Variants in NSUN7 observed in about 807,000 individuals in gnomAD.
NSUN7 encodes the protein protein NSUN7.
A neutral mutation model predicts 58.5 loss-of-function variants in NSUN7; 39 were observed. That is an observed-to-expected ratio of 0.67 (90% CI 0.52 to 0.87). The LOEUF is 0.87. Ranked by LOEUF, NSUN7 falls within the 40% of genes least tolerant of loss-of-function variation. The pLI is 0.00. For synonymous variants in NSUN7, 278 were observed against 303.7 expected, an observed-to-expected ratio of 0.92 and a Z score of 0.88; for missense variants, 765 against 844.1, an observed-to-expected ratio of 0.91 and a Z score of 1.16.
At position 40,809,842 on chromosome 4, in the gene NSUN7, T is replaced by C. The variant is rs1744095587; in HGVS notation, c.*903T>C. 1.3e-5 allele frequency: 2 copies of C among 152,232 alleles called. No homozygotes were observed. Among genetic ancestry groups the C allele is most frequent in the Admixed American group, 1.3e-4 (2 of 15,282 alleles). The allele number at this position is 152,232 out of a possible 1,614,324, so 9.4% of individuals were successfully genotyped here. ...GGCACAATTAAATATATTGTAGCAC[T>C]ATGTTAATTAATTATATTAAATGTC... On this transcript the variant is annotated 3_prime_UTR_variant, in exon 12 of 12. Transcript: ENST00000381782.
intron 2 of NSUN7, among the ~76,000 whole-genome samples, chr4:40,758,884 CAAAAA>C (rs998700085): frequency 6.8e-6 from 1 of 147,474 alleles, no homozygotes; most frequent in African/African-American, 2.5e-5. Flanking sequence ...GACTCTGTCT[CAAAAA>C]AAAAGAAAAT....
At chr4:40,781,810 C>CA (rs765941178) in intron 7 of NSUN7, among the ~76,000 whole-genome samples, 75 of 151,842 alleles carry the variant, frequency 4.9e-4, no homozygotes, top group Non-Finnish European at 7.8e-4. Flanking sequence ...TAAAAGGATA[C>CA]AAAAAAACTT....
intron 7 of NSUN7, among the ~76,000 whole-genome samples, chr4:40,784,527 T>C (rs1285481618): frequency 1.3e-5 from 2 of 152,326 alleles, no homozygotes; most frequent in South Asian, 2.1e-4. Flanking sequence ...AAAGTCCTCA[T>C]TTATGATTAC....
At chr4:40,756,982 G>A (rs1053209850) in intron 2 of NSUN7, among the ~76,000 whole-genome samples, 2 of 152,198 alleles carry the variant, frequency 1.3e-5, no homozygotes, top group Admixed American at 1.3e-4. Flanking sequence ...TGTAATCCCA[G>A]CACTTTGGGA....
chr4:40,773,590 G>T (rs1292131569), intron 4 of NSUN7, among the ~76,000 whole-genome samples: 4 of 151,788 alleles, frequency 2.6e-5, no homozygotes, highest in African/African-American at 4.8e-5. Flanking sequence ...GGCTGAGGTA[G>T]GAGAATTGCT....
intron 2 of NSUN7, among the ~76,000 whole-genome samples, chr4:40,760,156 C>T (rs1229530409): frequency 6.6e-6 from 1 of 152,170 alleles, no homozygotes; most frequent in African/African-American, 2.4e-5. Context: ...AAAGGCCATA[C>T]ATTAAAGATT....
intron 7 of NSUN7, chr4:40,776,567 A>G: frequency 4.7e-6 from 1 of 210,968 alleles, no homozygotes; most frequent in South Asian, 7.8e-5. Context: ...CATTTAATAA[A>G]TACTTAAATA....
At position 40,750,825 on chromosome 4, in the gene NSUN7, C is replaced by T. The variant is rs762627562; in HGVS notation, c.132C>T (p.Asp44=). Residue 44 remains aspartate (D), a synonymous_variant, in exon 2 of 12, where the codon GAC becomes GAT. Transcript: ENST00000381782. ...AGVPEKTGYP[D]SVYVMAANIF... is the part of the protein sequence containing the mutation. ...TGCCCGAAAAAACGGGCTATCCGGA[C>T]TCCGTTTATGTCATGGCAGCCAACA... The T allele has an allele frequency of 1.2e-6, 2 of 1,614,198 alleles. No homozygotes were observed. Among genetic ancestry groups the T allele is most frequent in the South Asian group, 1.1e-5 (1 of 91,084 alleles).
At chr4:40,793,653 T>C (rs1743197316) in intron 8 of NSUN7, among the ~76,000 whole-genome samples, 1 of 152,202 alleles carries the variant, frequency 6.6e-6, no homozygotes. Context: ...ATTTGGGTCC[T>C]CTGGTTAGAT....
At chr4:40,797,284 T>G (rs1280790057) in intron 9 of NSUN7, among the ~76,000 whole-genome samples, 1 of 152,228 alleles carries the variant, frequency 6.6e-6, no homozygotes, top group Non-Finnish European at 1.5e-5. Flanking sequence ...GTATCTAGTC[T>G]TATGGTTTTA....
At position 40,807,134 on chromosome 4, in the gene NSUN7, G is replaced by A. The variant is rs1439115830; in HGVS notation, c.1474G>A (p.Glu492Lys). 2 of 1,550,190 alleles carry A rather than the reference G, an allele frequency of 1.3e-6. No individual in the cohort carries two copies. The highest frequency in any genetic ancestry group is 2.7e-5 in the African/African-American group (2 of 72,960). The change falls in exon 11 of 12, where the codon GAA becomes AAA. Residue 492 changes from glutamate (E) to lysine (K), a missense_variant. By Grantham distance (56) the Glu-to-Lys change is moderately conservative. Coordinates refer to ENST00000381782, the MANE Select transcript of NSUN7 (RefSeq NM_024677.6). ...QLSTDKFFRM[E>K]PSEITNGCFL... ...GTCTACTGATAAATTTTTCAGAATGGAACCATCTGAAATTACCAATGGTTG... is the reference window on the plus strand; with the variant it reads ...GTCTACTGATAAATTTTTCAGAATGAAACCATCTGAAATTACCAATGGTTG...
chr4:40,790,780 T>G lies in NSUN7; in HGVS notation c.1180+35T>G, dbSNP rs375585772. The G allele has an allele frequency of 1.1e-3, 1,568 of 1,433,450 alleles. 33 individuals are homozygous for G. The South Asian group carries it at 0.019, about 18-fold the overall frequency. 88.8% of individuals were successfully genotyped at this position (1,433,450 alleles called of 1,614,324 possible). Reference sequence around the variant, plus strand: ...TTAATTTCTAAATTATTGAAATTAGTTGACAGTTTAAAATATAAAATTATT... The same window carrying G: ...TTAATTTCTAAATTATTGAAATTAGGTGACAGTTTAAAATATAAAATTATT... On this transcript the variant is annotated intron_variant, in intron 8 of 11. Transcript: ENST00000381782.
At chr4:40,770,866 C>A in intron 4 of NSUN7, among the ~76,000 whole-genome samples, 1 of 152,138 alleles carries the variant, frequency 6.6e-6, no homozygotes, top group Non-Finnish European at 1.5e-5. Flanking sequence ...TCTTGGCCAA[C>A]ATAGTGAAAC....
intron 2 of NSUN7, among the ~76,000 whole-genome samples, chr4:40,755,367 C>T (rs570210165): frequency 6.6e-5 from 10 of 152,144 alleles, no homozygotes; most frequent in East Asian, 5.8e-4. Context: ...GGATTACAGG[C>T]GTGAGCCACC....
At chr4:40,777,864 A>T (rs1348483572) in intron 7 of NSUN7, among the ~76,000 whole-genome samples, 2 of 152,206 alleles carry the variant, frequency 1.3e-5, no homozygotes, top group African/African-American at 4.8e-5. Flanking sequence ...CCTCTCAAGT[A>T]GCTGAAATTA....
At chr4:40,791,141 A>G (rs1042197593) in intron 8 of NSUN7, among the ~76,000 whole-genome samples, 2 of 152,214 alleles carry the variant, frequency 1.3e-5, no homozygotes, top group Admixed American at 1.3e-4. Context: ...ATTCAAATTT[A>G]GATCTGTTTG....
intron 2 of NSUN7, among the ~76,000 whole-genome samples, chr4:40,751,817 A>G (rs558018585): frequency 6.6e-6 from 1 of 152,060 alleles, no homozygotes; most frequent in Non-Finnish European, 1.5e-5. Flanking sequence ...ATATAGTGAG[A>G]TCTCCTCTCT....
At chr4:40,777,924 A>G (rs1742347961) in intron 7 of NSUN7, among the ~76,000 whole-genome samples, 1 of 152,224 alleles carries the variant, frequency 6.6e-6, no homozygotes, top group Admixed American at 6.5e-5. Context: ...TAAAATAACT[A>G]TGATTAATAA....
intron 2 of NSUN7, among the ~76,000 whole-genome samples, chr4:40,758,287 T>C (rs1243518231): frequency 6.6e-6 from 1 of 152,154 alleles, no homozygotes; most frequent in Non-Finnish European, 1.5e-5. Flanking sequence ...TTAGAAGTCC[T>C]TCTTTCTAAT....
Sources: allele counts gnomAD v4.1 joint callset (sites outside exome capture counted in the v4.1 genomes callset), GRCh38; gene constraint gnomAD v4.1.1; transcripts MANE v1.5; gene names NCBI Gene and HGNC (gene_info 2026-07-23, HGNC 2026-07-21).